ADAMTS20: variants seen among roughly 807,000 people sequenced by gnomAD.
The protein encoded by ADAMTS20 is ADAM metallopeptidase with thrombospondin type 1 motif 20.
Under a neutral mutation model 260.1 loss-of-function variants are expected in ADAMTS20, and 225 were observed. The ratio of observed to expected loss-of-function variants is 0.87; its 90% CI spans 0.78 to 0.97. The LOEUF is 0.97. ADAMTS20 is among the 50% of genes least tolerant of loss of function. The pLI, the probability that ADAMTS20 is intolerant of heterozygous loss-of-function variation, is 0.00. For synonymous variants in ADAMTS20, 802 were observed against 769.5 expected (o/e 1.04, Z -0.70); for missense variants, 2,400 against 2,337.7 (o/e 1.03, Z -0.55).
At chr12:43,434,844 T>C (rs554816908) in intron 18 of ADAMTS20, among the ~76,000 whole-genome samples, 4 of 152,202 alleles carry the variant, frequency 2.6e-5, no homozygotes, top group African/African-American at 9.7e-5. Context: ...AGGCTTTTTA[T>C]CAACCGACTG....
At chr12:43,516,074 A>T (rs1157008356) in intron 3 of ADAMTS20, among the ~76,000 whole-genome samples, 1 of 150,212 alleles carries the variant, frequency 6.7e-6, no homozygotes, top group African/African-American at 2.5e-5. Flanking sequence ...TCTGGCTCTC[A>T]TTCAAGGGAG....
Position 43,376,257 on chromosome 12 carries a change from G to C in ADAMTS20, c.5199C>G (p.Asn1733Lys). The change falls in exon 34 of 39, where the codon AAC becomes AAG. Residue 1733 changes from asparagine (N) to lysine (K), a missense_variant. Asn to Lys is a moderately conservative substitution (Grantham distance 94, BLOSUM62 0). Transcript: ENST00000389420. ...HIRKDGDYYL[N>K]IKGRIIKIYC... is the part of the protein sequence containing the mutation. ...ATACCTTTATTATTCTTCCCTTAATGTTAAGGTAATAGTCACCATCCTTTC... is the reference window on the plus strand; with the variant it reads ...ATACCTTTATTATTCTTCCCTTAATCTTAAGGTAATAGTCACCATCCTTTC... 1.9e-6 allele frequency: 3 copies of C among 1,551,914 alleles called. No individual in the cohort carries two copies. The highest frequency in any genetic ancestry group is 2.6e-6 in the Non-Finnish European group (3 of 1,145,874).
In ADAMTS20 at chr12:43,462,934, G is replaced by C. The variant is rs142081242; in HGVS notation, c.1575C>G (p.His525Gln). 1 of 1,609,438 alleles carries C rather than the reference G, an allele frequency of 6.2e-7. No individual in the cohort carries two copies. ...AGTCTGTTCCATCTGCTGGTGGCACGTGTTGAGTGAAACAGCCTTTGTGAA... is the reference window on the plus strand; with the variant it reads ...AGTCTGTTCCATCTGCTGGTGGCACCTGTTGAGTGAAACAGCCTTTGTGAA... The part of the protein sequence containing the change: ...EKLHKGCFTQ[H>Q]VPPADGTDCG... Residue 525 changes from histidine to glutamine, a missense_variant, in exon 11 of 39, where the codon CAC becomes CAG. Physicochemically the swap from His to Gln is conservative, Grantham distance 24 (BLOSUM62 0). Coordinates refer to ENST00000389420, the MANE Select transcript of ADAMTS20 (RefSeq NM_025003.5).
intron 3 of ADAMTS20, among the ~76,000 whole-genome samples, chr12:43,519,196 T>C (rs754881153): frequency 1.3e-5 from 2 of 152,094 alleles, no homozygotes; most frequent in Non-Finnish European, 2.9e-5. Flanking sequence ...GGATTCACCA[T>C]GAACCTAAAA....
At chr12:43,454,380 A>T (rs1186623243) in intron 11 of ADAMTS20, among the ~76,000 whole-genome samples, 1 of 152,166 alleles carries the variant, frequency 6.6e-6, no homozygotes, top group Non-Finnish European at 1.5e-5. Flanking sequence ...GTATATTTCC[A>T]TCCTTCCATT....
chr12:43,438,716 G>T (rs1429733866), intron 18 of ADAMTS20, among the ~76,000 whole-genome samples: 1 of 152,046 alleles, frequency 6.6e-6, no homozygotes, highest in Non-Finnish European at 1.5e-5. Flanking sequence ...TCTCCACATG[G>T]TTCGGAGCTT....
At chr12:43,512,145 G>A (rs1000373206) in intron 3 of ADAMTS20, among the ~76,000 whole-genome samples, 28 of 150,506 alleles carry the variant, frequency 1.9e-4, no homozygotes, top group Admixed American at 1.3e-3. Context: ...AACCCTATGA[G>A]GTAAGTACTA....
intron 29 of ADAMTS20, among the ~76,000 whole-genome samples, chr12:43,394,595 A>T (rs1239281044): frequency 1.6e-4 from 25 of 152,176 alleles, no homozygotes; most frequent in Admixed American, 1.6e-3. Context: ...ATTCAGCACA[A>T]CTTAGAAATT....
At chr12:43,402,211 G>A (rs771991503) in intron 28 of ADAMTS20, among the ~76,000 whole-genome samples, 32 of 151,764 alleles carry the variant, frequency 2.1e-4, no homozygotes, top group Non-Finnish European at 3.8e-4. Flanking sequence ...ATAACTATCA[G>A]CTGATGGATG....
chr12:43,519,719 C>T (rs910404624), intron 3 of ADAMTS20, among the ~76,000 whole-genome samples: 10 of 152,134 alleles, frequency 6.6e-5, no homozygotes, highest in Non-Finnish European at 1.5e-4. Context: ...TCACTCTATG[C>T]TATATTTTCT....
chr12:43,450,465 T>C (rs1941844783), intron 14 of ADAMTS20, among the ~76,000 whole-genome samples: 1 of 152,190 alleles, frequency 6.6e-6, no homozygotes, highest in South Asian at 2.1e-4. Flanking sequence ...TCATAACTTT[T>C]GCATTGTCAT....
At chr12:43,359,919 T>C (rs796917645) in intron 37 of ADAMTS20, among the ~76,000 whole-genome samples, 16 of 152,274 alleles carry the variant, frequency 1.1e-4, no homozygotes, top group African/African-American at 3.6e-4. Context: ...GAGAAAAATC[T>C]CAGTAATTTG....
chr12:43,405,162 G>A (rs1308609519), intron 28 of ADAMTS20, among the ~76,000 whole-genome samples: 4 of 139,940 alleles, frequency 2.9e-5, no homozygotes, highest in African/African-American at 1.1e-4. Context: ...GGGAGGCTGA[G>A]GCCAGAGGAT....
chr12:43,442,418 C>T (rs1223091410), intron 16 of ADAMTS20, among the ~76,000 whole-genome samples: 9 of 151,970 alleles, frequency 5.9e-5, no homozygotes, highest in East Asian at 1.9e-4. Context: ...CCACCATGTC[C>T]GGCTAATTTT....
chr12:43,521,924 A>G (rs1046150731), intron 3 of ADAMTS20, among the ~76,000 whole-genome samples: 4 of 152,154 alleles, frequency 2.6e-5, no homozygotes, highest in Admixed American at 1.3e-4. Context: ...GTTCTAACCA[A>G]TCTTTATACG....
At chr12:43,364,444 A>G (rs1387078579) in intron 37 of ADAMTS20, among the ~76,000 whole-genome samples, 1 of 152,200 alleles carries the variant, frequency 6.6e-6, no homozygotes, top group Non-Finnish European at 1.5e-5. Context: ...TCAAAGGACT[A>G]AAGAAACCAT....
chr12:43,461,331 T>C (rs12320790), intron 11 of ADAMTS20, among the ~76,000 whole-genome samples: 33,041 of 151,770 alleles, frequency 0.22, 4,132 homozygotes, highest in African/African-American at 0.33. Context: ...TTCTCATTTT[T>C]ATTGGGATGT....
intron 3 of ADAMTS20, among the ~76,000 whole-genome samples, chr12:43,502,659 C>T (rs1455897578): frequency 6.6e-6 from 1 of 151,990 alleles, no homozygotes; most frequent in Non-Finnish European, 1.5e-5. Flanking sequence ...TTATCTAAGT[C>T]ATATTTGAAA....
At chr12:43,549,567 G>T (rs1943485335) in intron 2 of ADAMTS20, among the ~76,000 whole-genome samples, 1 of 152,096 alleles carries the variant, frequency 6.6e-6, no homozygotes, top group Admixed American at 6.5e-5. Context: ...TTTTCCATGA[G>T]AAAACATAAT....
Sources: allele counts gnomAD v4.1 joint callset (sites outside exome capture counted in the v4.1 genomes callset), GRCh38; gene constraint gnomAD v4.1.1; transcripts MANE v1.5; gene names NCBI Gene and HGNC (gene_info 2026-07-23, HGNC 2026-07-21).